Variants in SLC9A9 observed in about 807,000 individuals in gnomAD.
SLC9A9 encodes solute carrier family 9 member A9, also known as sodium/hydrogen exchanger 9.
In SLC9A9, 62 loss-of-function variants were observed where a neutral mutation model predicts 77.8. The ratio of observed to expected loss-of-function variants is 0.80; its 90% CI spans 0.65 to 0.98. The LOEUF is 0.98. Among genes scored for constraint, SLC9A9 ranks in the 50% least tolerant of loss-of-function variants. The pLI is 0.00. For missense variants in SLC9A9, 775 were observed against 774.9 expected (o/e 1.00, Z 0.00); for synonymous variants, 320 against 283.5 (o/e 1.13, Z -1.29).
chr3:143,598,751 C>T (rs2037800486), intron 6 of SLC9A9, among the ~76,000 whole-genome samples: 1 of 152,240 alleles, frequency 6.6e-6, no homozygotes, highest in Admixed American at 6.5e-5. Context: ...AATCATTCTC[C>T]ACTTTCCAGT....
At chr3:143,430,344 C>T (rs1240938968) in intron 12 of SLC9A9, among the ~76,000 whole-genome samples, 1 of 152,190 alleles carries the variant, frequency 6.6e-6, no homozygotes. Flanking sequence ...ATAGAAACCT[C>T]TTTTGACAAA....
intron 4 of SLC9A9, among the ~76,000 whole-genome samples, chr3:143,737,757 A>G (rs1374760251): frequency 6.6e-6 from 1 of 152,210 alleles, no homozygotes; most frequent in Non-Finnish European, 1.5e-5. Context: ...TTAAATAAGA[A>G]TTGTGTTATG....
chr3:143,833,541 G>A (rs1002896800), intron 1 of SLC9A9, among the ~76,000 whole-genome samples: 2 of 152,182 alleles, frequency 1.3e-5, no homozygotes, highest in African/African-American at 4.8e-5. Context: ...GAATCAGAAT[G>A]AGTTGGGATC....
chr3:143,412,696 C>T (rs985350237), intron 12 of SLC9A9, among the ~76,000 whole-genome samples: 1 of 152,220 alleles, frequency 6.6e-6, no homozygotes, highest in African/African-American at 2.4e-5. Context: ...CTCTTTAGCG[C>T]CATCAGAGTT....
In SLC9A9 at chr3:143,382,181, A is replaced by G. The variant is rs1009291973; in HGVS notation, c.1470-67T>C. The G allele has an allele frequency of 3.5e-5, 53 of 1,527,370 alleles. 2 individuals are homozygous for G. In the South Asian group the frequency reaches 5.5e-4, roughly 16 times the overall value. 94.6% of individuals were successfully genotyped at this position (1,527,370 alleles called of 1,614,324 possible). The stretch of plus-strand genomic sequence containing the variant: ...AAGGAATGAGACAGTCTTGTGTGTC[A>G]GATGACCTAACCCAAACACAATGTG... On this transcript the variant is annotated intron_variant, in intron 12 of 15. Coordinates refer to ENST00000316549, the MANE Select transcript of SLC9A9 (RefSeq NM_173653.4).
chr3:143,457,129 C>T (rs1383317989), intron 12 of SLC9A9, among the ~76,000 whole-genome samples: 1 of 152,204 alleles, frequency 6.6e-6, no homozygotes, highest in South Asian at 2.1e-4. Context: ...AAATGATCCT[C>T]TTGCCTCAGC....
intron 1 of SLC9A9, among the ~76,000 whole-genome samples, chr3:143,837,449 T>C (rs976293141): frequency 2.0e-5 from 3 of 152,212 alleles, no homozygotes; most frequent in Admixed American, 1.3e-4. Flanking sequence ...TCTCACTGCA[T>C]TGAGTGGCTA....
At chr3:143,671,139 A>C (rs1436235136) in intron 5 of SLC9A9, among the ~76,000 whole-genome samples, 2 of 152,170 alleles carry the variant, frequency 1.3e-5, no homozygotes, top group Non-Finnish European at 2.9e-5. Flanking sequence ...ATATTTGTAC[A>C]CATTTAGTTA....
intron 6 of SLC9A9, among the ~76,000 whole-genome samples, chr3:143,604,108 G>T (rs6770578): frequency 0.018 from 2,698 of 152,246 alleles, 91 homozygotes; most frequent in African/African-American, 0.061. Context: ...TTGCCAGGAT[G>T]CTCTGAATAA....
At chr3:143,654,486 A>C (rs2038854153) in intron 5 of SLC9A9, among the ~76,000 whole-genome samples, 3 of 152,194 alleles carry the variant, frequency 2.0e-5, no homozygotes, top group Admixed American at 2.0e-4. Context: ...TAGACGTTGC[A>C]GTTGGTGGGA....
intron 4 of SLC9A9, among the ~76,000 whole-genome samples, chr3:143,701,824 C>G (rs1933809460): frequency 1.3e-5 from 2 of 152,020 alleles, no homozygotes; most frequent in Admixed American, 1.3e-4. Flanking sequence ...TACAGAACAC[C>G]AAGCAGATGT....
At chr3:143,758,855 C>A (rs1158820525) in intron 4 of SLC9A9, among the ~76,000 whole-genome samples, 1 of 151,998 alleles carries the variant, frequency 6.6e-6, no homozygotes, top group East Asian at 1.9e-4. Context: ...GGGAGGATTG[C>A]AAAATGAGAG....
intron 12 of SLC9A9, among the ~76,000 whole-genome samples, chr3:143,460,166 G>T (rs1379615783): frequency 6.6e-6 from 1 of 152,134 alleles, no homozygotes; most frequent in Non-Finnish European, 1.5e-5. Flanking sequence ...CAGGCCAAGA[G>T]ATTCCAGAGA....
intron 2 of SLC9A9, among the ~76,000 whole-genome samples, chr3:143,808,369 C>T (rs1414494654): frequency 6.6e-6 from 1 of 152,168 alleles, no homozygotes; most frequent in Non-Finnish European, 1.5e-5. Context: ...TCTGCTCATC[C>T]TATATTTAAA....
At chr3:143,283,133 T>C (rs959419637) in intron 14 of SLC9A9, among the ~76,000 whole-genome samples, 15 of 152,240 alleles carry the variant, frequency 9.9e-5, no homozygotes, top group African/African-American at 3.4e-4. Context: ...CCTCAATGTT[T>C]GTTGAATTGA....
intron 1 of SLC9A9, among the ~76,000 whole-genome samples, chr3:143,844,745 CTTT>C (rs2009790374): frequency 6.9e-6 from 1 of 145,950 alleles, no homozygotes; most frequent in South Asian, 2.3e-4. Flanking sequence ...TTCTTTCTTT[CTTT>C]CTTTCTTTCT....
At chr3:143,626,510 G>T (rs962725179) in intron 6 of SLC9A9, among the ~76,000 whole-genome samples, 1 of 151,744 alleles carries the variant, frequency 6.6e-6, no homozygotes, top group Non-Finnish European at 1.5e-5. Context: ...GCAAACTATC[G>T]CAAGGACAAA....
At chr3:143,615,486 T>C (rs2038088206) in intron 6 of SLC9A9, among the ~76,000 whole-genome samples, 2 of 152,112 alleles carry the variant, frequency 1.3e-5, no homozygotes, top group Non-Finnish European at 2.9e-5. Context: ...TTGCTCCTCC[T>C]CTCTGTCTTG....
At chr3:143,336,448 C>T (rs145359236) in intron 14 of SLC9A9, among the ~76,000 whole-genome samples, 36 of 152,200 alleles carry the variant, frequency 2.4e-4, no homozygotes, top group Non-Finnish European at 4.0e-4. Context: ...CCGGTGTTCA[C>T]GGCAGCATTA....
Sources: gnomAD v4.1 joint callset for allele counts (sites outside exome capture counted in the v4.1 genomes callset) on GRCh38, gnomAD v4.1.1 for gene constraint, MANE v1.5 for transcripts, NCBI Gene and HGNC (gene_info 2026-07-23, HGNC 2026-07-21) for gene names.